The following TYW1B variants were observed in gnomAD, a reference collection of about 807,000 sequenced individuals.
TYW1B encodes the protein S-adenosyl-L-methionine-dependent tRNA 4-demethylwyosine synthase TYW1B.
Under a neutral mutation model 86.9 loss-of-function variants are expected in TYW1B, and 73 were observed. The observed-to-expected ratio is 0.84, with a 90% CI of 0.70 to 1.02. The LOEUF is 1.02. Among genes scored for constraint, TYW1B ranks in the 50% least tolerant of loss-of-function variants. The pLI is 0.00. For synonymous variants in TYW1B, 248 were observed against 292.8 expected, an observed-to-expected ratio of 0.85 and a Z score of 1.56; for missense variants, 637 against 827.4, an observed-to-expected ratio of 0.77 and a Z score of 2.82.
intron 13 of TYW1B, among the ~76,000 whole-genome samples, chr7:72,578,016 A>G (rs782563778): frequency 6.6e-6 from 1 of 151,982 alleles, no homozygotes; most frequent in Non-Finnish European, 1.5e-5. Flanking sequence ...TTCCTCCTGC[A>G]TTCCACCCCA....
At chr7:72,603,353 TGGAC>T (rs1563026201) in intron 13 of TYW1B, among the ~76,000 whole-genome samples, 1 of 146,694 alleles carries the variant, frequency 6.8e-6, no homozygotes. Flanking sequence ...GATGGATGGA[TGGAC>T]GAATGGACGG....
intron 11 of TYW1B, among the ~76,000 whole-genome samples, chr7:72,680,472 C>A (rs1367325891): frequency 4.6e-5 from 7 of 152,288 alleles, no homozygotes; most frequent in African/African-American, 1.7e-4. Flanking sequence ...TGGACTTACA[C>A]CAGTGGTTTG....
Position 72,629,691 on chromosome 7 carries a change from C to G in TYW1B, c.1507-694G>C, listed in dbSNP as rs1373862324. Among the ~76,000 whole-genome samples the G allele has an allele frequency of 2.0e-5, 3 of 152,142 alleles. No homozygotes were observed. The South Asian group carries it at 6.2e-4, about 32-fold the overall frequency. On this transcript the variant is annotated intron_variant, in intron 11 of 13. Transcript: ENST00000620995. ...CTTCCCAAGTAGCTGGGACTACAGG[C>G]ACATATCATCATGCCCGGCTAAGTT... is the stretch of plus-strand genomic sequence containing the variant.
intron 7 of TYW1B, among the ~76,000 whole-genome samples, chr7:72,774,518 A>C (rs28788872): frequency 0.63 from 96,102 of 151,610 alleles, 30,980 homozygotes; most frequent in Non-Finnish European, 0.69. Context: ...GTCAGGAGAT[A>C]GAGACCATCC....
intron 13 of TYW1B, among the ~76,000 whole-genome samples, chr7:72,603,527 G>A (rs1265281442): frequency 2.0e-5 from 3 of 152,176 alleles, no homozygotes; most frequent in Admixed American, 1.3e-4. Flanking sequence ...CCTCAAGGAC[G>A]GGGAGCCTAA....
At chr7:72,609,770 TAAG>T (rs1811891583) in intron 13 of TYW1B, among the ~76,000 whole-genome samples, 1 of 152,036 alleles carries the variant, frequency 6.6e-6, no homozygotes, top group Admixed American at 6.6e-5. Flanking sequence ...GACACTAGTA[TAAG>T]AATAGAGAGG....
intron 11 of TYW1B, among the ~76,000 whole-genome samples, chr7:72,676,990 T>C (rs779865870): frequency 2.6e-5 from 4 of 152,096 alleles, no homozygotes; most frequent in Non-Finnish European, 5.9e-5. Context: ...AAAAACTGTT[T>C]TAACATCATA....
intron 13 of TYW1B, among the ~76,000 whole-genome samples, chr7:72,598,024 T>C (rs1811576585): frequency 6.6e-6 from 1 of 152,142 alleles, no homozygotes; most frequent in Admixed American, 6.6e-5. Flanking sequence ...TAATATTGAG[T>C]GTCAACTTTG....
chr7:72,610,066 C>T (rs1554435650), intron 13 of TYW1B, among the ~76,000 whole-genome samples: 2 of 152,068 alleles, frequency 1.3e-5, no homozygotes, highest in African/African-American at 2.4e-5. Flanking sequence ...CCAGTTTCAA[C>T]GTTAGGCTGT....
intron 13 of TYW1B, among the ~76,000 whole-genome samples, chr7:72,597,721 A>C (rs1249371308): frequency 1.3e-5 from 2 of 152,230 alleles, no homozygotes; most frequent in Non-Finnish European, 2.9e-5. Context: ...ACTTTTGCCA[A>C]AATTTTGAGA....
rs782092499 is a variant in TYW1B, at chr7:72,826,957, G to C, written c.33C>G (p.Ser11=). Residue 11 remains serine (S), a synonymous_variant, in exon 2 of 14, where the codon TCC becomes TCG. Coordinates refer to ENST00000620995, the MANE Select transcript of TYW1B (RefSeq NM_001145440.3). The part of the protein sequence containing the change: MDPSADTWDL[S]SPLISLWINR... ...TTATCCATAATGATATTAAAGGTGA[G>C]GAGAGGTCCCATGTATCCGCAGAAG... The C allele has an allele frequency of 9.9e-6, 16 of 1,612,652 alleles. No homozygotes were observed. Among genetic ancestry groups the C allele is most frequent in the Non-Finnish European group, 1.4e-5 (16 of 1,179,632 alleles).
At chr7:72,691,250 T>A (rs1814152267) in intron 11 of TYW1B, among the ~76,000 whole-genome samples, 1 of 152,196 alleles carries the variant, frequency 6.6e-6, no homozygotes, top group Admixed American at 6.5e-5. Context: ...GCCACACATC[T>A]TCTCTCACAA....
intron 6 of TYW1B, among the ~76,000 whole-genome samples, chr7:72,778,322 C>G (rs1429004174): frequency 2.0e-5 from 3 of 152,144 alleles, no homozygotes; most frequent in Admixed American, 6.6e-5. Flanking sequence ...CAAATTATAG[C>G]TGCTGCTGGT....
At position 72,758,977 on chromosome 7, in the gene TYW1B, G is replaced by A. The variant is rs142278656; in HGVS notation, c.965-14376C>T. Among the ~76,000 whole-genome samples the A allele has an allele frequency of 3.0e-3, 463 of 152,096 alleles. 2 individuals are homozygous for A. The highest frequency in any genetic ancestry group is 0.01 in the Middle Eastern group (3 of 294). ...TTGACTCTTTTCCCATGCTTCTTTC[G>A]GAAAACTTTCTGAGACCAAAATAAA... On this transcript the variant is annotated intron_variant, in intron 7 of 13. Transcript: ENST00000620995.
At chr7:72,826,423 T>C (rs557032248) in intron 2 of TYW1B, among the ~76,000 whole-genome samples, 17 of 152,282 alleles carry the variant, frequency 1.1e-4, no homozygotes, top group Admixed American at 3.3e-4. Context: ...GGTCCTTTAA[T>C]AGGCAGGACC....
chr7:72,704,725 AC>A (rs1814572919), intron 10 of TYW1B, among the ~76,000 whole-genome samples: 1 of 152,110 alleles, frequency 6.6e-6, no homozygotes, highest in African/African-American at 2.4e-5. Context: ...TCGCAATGCC[AC>A]CATAAGGTAG....
chr7:72,623,570 G>A (rs1434517499), intron 12 of TYW1B, among the ~76,000 whole-genome samples: 6 of 152,188 alleles, frequency 3.9e-5, no homozygotes, highest in African/African-American at 1.4e-4. Context: ...TTAAACCCTA[G>A]TCCTGTCTAC....
chr7:72,744,114 A>C (rs1787352932), intron 8 of TYW1B, among the ~76,000 whole-genome samples: 1 of 152,160 alleles, frequency 6.6e-6, no homozygotes, highest in Non-Finnish European at 1.5e-5. Flanking sequence ...AGTCGTAGAT[A>C]GAAAAAAAAG....
chr7:72,632,734 G>A (rs2960936), intron 11 of TYW1B, among the ~76,000 whole-genome samples: 2 of 149,484 alleles, frequency 1.3e-5, no homozygotes, highest in Non-Finnish European at 3.0e-5. Flanking sequence ...TTACTATGTG[G>A]CAGCTGTTGT....
Sources: gnomAD v4.1 joint callset for allele counts (sites outside exome capture counted in the v4.1 genomes callset) on GRCh38, gnomAD v4.1.1 for gene constraint, MANE v1.5 for transcripts, NCBI Gene and HGNC (gene_info 2026-07-23, HGNC 2026-07-21) for gene names.